RTN4RL1: variants seen among roughly 807,000 people sequenced by gnomAD.
The protein encoded by RTN4RL1 is reticulon 4 receptor like 1.
A neutral mutation model predicts 25.6 loss-of-function variants in RTN4RL1; 7 were observed. The observed-to-expected ratio is 0.27, with a 90% CI of 0.16 to 0.51. The LOEUF (loss-of-function observed/expected upper bound fraction) is 0.51. Ranked by LOEUF, RTN4RL1 falls within the 20% of genes least tolerant of loss-of-function variation. The probability of loss-of-function intolerance (pLI) is 0.97; values close to 1 mark genes in which losing one functional copy is unlikely to be tolerated. For synonymous variants in RTN4RL1, 297 were observed against 288.2 expected (o/e 1.03, Z -0.31); for missense variants, 500 against 615.6 (o/e 0.81, Z 1.99).
intron 1 of RTN4RL1, among the ~76,000 whole-genome samples, chr17:1,960,617 C>T (rs749937746): frequency 1.5e-4 from 23 of 152,166 alleles, no homozygotes; most frequent in East Asian, 1.9e-4. Flanking sequence ...TTCACTGGCA[C>T]GCAGCATATT....
At chr17:1,946,912 G>GCT (rs1915563775) in intron 1 of RTN4RL1, among the ~76,000 whole-genome samples, 1 of 147,304 alleles carries the variant, frequency 6.8e-6, no homozygotes, top group Admixed American at 6.8e-5. Flanking sequence ...GTGTATGCAC[G>GCT]TGTGTCTGTG....
intron 1 of RTN4RL1, among the ~76,000 whole-genome samples, chr17:1,999,135 CTCA>C (rs1341808177): frequency 5.9e-5 from 6 of 102,300 alleles, no homozygotes; most frequent in African/African-American, 1.4e-4. Flanking sequence ...TGAATGTGTG[CTCA>C]TCATACACAC....
At chr17:1,947,869 C>T (rs758935551) in intron 1 of RTN4RL1, among the ~76,000 whole-genome samples, 9 of 152,222 alleles carry the variant, frequency 5.9e-5, no homozygotes, top group Non-Finnish European at 1.2e-4. Context: ...TTGGGACAGG[C>T]GCTCAGTCCT....
At chr17:2,021,777 A>T (rs913110017) in intron 1 of RTN4RL1, among the ~76,000 whole-genome samples, 1 of 148,436 alleles carries the variant, frequency 6.7e-6, no homozygotes, top group African/African-American at 2.5e-5. Context: ...CTGGTCTCGA[A>T]CTCCTGACCT....
intron 1 of RTN4RL1, among the ~76,000 whole-genome samples, chr17:1,995,209 T>C (rs1458280369): frequency 6.6e-6 from 1 of 152,128 alleles, no homozygotes; most frequent in Non-Finnish European, 1.5e-5. Context: ...GTGGATCACC[T>C]GAGGACAGGA....
rs565586133 is a variant in RTN4RL1, at chr17:1,962,484, G to A, written c.14-24676C>T. 1.1e-4 allele frequency among the ~76,000 whole-genome samples: 17 copies of A among 151,528 alleles called. No individual in the cohort carries two copies. In the East Asian group the frequency reaches 1.6e-3, roughly 14 times the overall value. ...GTGATTCTCCCTGCCTCAGCCTCCC[G>A]AGTAGCTGGGACTACAGGTGCTCGC... On this transcript the variant is annotated intron_variant, in intron 1 of 1. Coordinates refer to ENST00000331238, the MANE Select transcript of RTN4RL1 (RefSeq NM_178568.4).
At chr17:1,939,285 G>A (rs1024990924) in intron 1 of RTN4RL1, among the ~76,000 whole-genome samples, 4 of 151,866 alleles carry the variant, frequency 2.6e-5, no homozygotes, top group African/African-American at 4.8e-5. Flanking sequence ...CCCGGGAGGT[G>A]GAGCTTGCAG....
At chr17:1,980,717 C>T (rs1420689774) in intron 1 of RTN4RL1, among the ~76,000 whole-genome samples, 1 of 151,718 alleles carries the variant, frequency 6.6e-6, no homozygotes, top group Non-Finnish European at 1.5e-5. Context: ...CACCTGAGGT[C>T]AGGAGTTCAA....
At chr17:1,959,628 G>A (rs559871939) in intron 1 of RTN4RL1, among the ~76,000 whole-genome samples, 6 of 152,150 alleles carry the variant, frequency 3.9e-5, no homozygotes, top group African/African-American at 9.6e-5. Flanking sequence ...GTAGTAGCAC[G>A]ATCTCGGCTC....
At position 1,998,773 on chromosome 17, in the gene RTN4RL1, C is replaced by T. The variant is rs1485190059; in HGVS notation, c.13+26080G>A. ...AGGGGCGGCCTCGCGCGCACGGGGA[C>T]CCCGGGGTGGGGGTGGGGGTGGGGC... On this transcript the variant is annotated intron_variant, in intron 1 of 1. Transcript: ENST00000331238. The surrounding 1 kb of genome is among the most constrained non-coding windows in gnomAD (Gnocchi z 4.9). 2.0e-5 allele frequency among the ~76,000 whole-genome samples: 3 copies of T among 149,930 alleles called. No individual in the cohort carries two copies. The highest frequency in any genetic ancestry group is 3.9e-4 in the East Asian group (2 of 5,122).
intron 1 of RTN4RL1, among the ~76,000 whole-genome samples, chr17:1,963,414 C>T (rs1424029784): frequency 2.6e-5 from 4 of 152,230 alleles, no homozygotes; most frequent in African/African-American, 7.2e-5. Context: ...GAGGTAGGAG[C>T]CATTAACCTG....
rs141567523 is a variant in RTN4RL1 at position 1,943,536 on chromosome 17, C to T, written c.14-5728G>A. ...TGGCTCTGCAGCCCTCCCTCTCTCC[C>T]CCTCCCCGCTTTCCCAGTCCTGGCA... On this transcript the variant is annotated intron_variant, in intron 1 of 1. Coordinates refer to ENST00000331238, the MANE Select transcript of RTN4RL1 (RefSeq NM_178568.4). Among the ~76,000 whole-genome samples the T allele has an allele frequency of 3.3e-3, 498 of 152,356 alleles. 4 individuals are homozygous for T. The highest frequency in any genetic ancestry group is 0.011 in the African/African-American group (473 of 41,588).
At chr17:1,970,917 T>C (rs901188959) in intron 1 of RTN4RL1, among the ~76,000 whole-genome samples, 2 of 151,786 alleles carry the variant, frequency 1.3e-5, no homozygotes, top group African/African-American at 2.4e-5. Context: ...ACCCTCTCCC[T>C]AGAGAAGCGA....
At chr17:2,005,194 A>G (rs1011447664) in intron 1 of RTN4RL1, among the ~76,000 whole-genome samples, 2 of 151,874 alleles carry the variant, frequency 1.3e-5, no homozygotes, top group Non-Finnish European at 2.9e-5. Flanking sequence ...TTTTGTGGAG[A>G]TGTGGTCTCA....
At chr17:2,018,295 G>A (rs895415240) in intron 1 of RTN4RL1, among the ~76,000 whole-genome samples, 6 of 152,226 alleles carry the variant, frequency 3.9e-5, no homozygotes, top group Admixed American at 2.0e-4. Context: ...CCTCAGGGGC[G>A]TGAAAGCAGG....
chr17:1,979,844 G>A (rs1243833253), intron 1 of RTN4RL1, among the ~76,000 whole-genome samples: 1 of 151,924 alleles, frequency 6.6e-6, no homozygotes, highest in African/African-American at 2.4e-5. Flanking sequence ...GCCGCTTACC[G>A]CTAGGCAGGC....
chr17:1,952,429 C>T (rs1006560929), intron 1 of RTN4RL1, among the ~76,000 whole-genome samples: 18 of 151,382 alleles, frequency 1.2e-4, no homozygotes, highest in Admixed American at 8.6e-4. Flanking sequence ...CTCTGCCTCC[C>T]GGGTTCGAGT....
chr17:1,989,456 C>T (rs1023607442), intron 1 of RTN4RL1, among the ~76,000 whole-genome samples: 20 of 152,090 alleles, frequency 1.3e-4, no homozygotes, highest in Non-Finnish European at 2.1e-4. Flanking sequence ...TGCGAGCACG[C>T]TGGAGGGGCC....
intron 1 of RTN4RL1, among the ~76,000 whole-genome samples, chr17:1,969,306 C>T (rs7220356): frequency 0.39 from 58,445 of 151,516 alleles, 11,627 homozygotes; most frequent in Admixed American, 0.53. Context: ...ATCCACCCGC[C>T]TCGGCCTCCC....
Sources: gnomAD v4.1 joint callset for allele counts (sites outside exome capture counted in the v4.1 genomes callset) on GRCh38, gnomAD v4.1.1 for gene constraint, Gnocchi (gnomAD v3.1) non-coding constraint, MANE v1.5 for transcripts, NCBI Gene and HGNC (gene_info 2026-07-23, HGNC 2026-07-21) for gene names.